Variants in SOCS7 observed in about 807,000 individuals in gnomAD.
The protein encoded by SOCS7 is NAP-4.
A neutral mutation model predicts 58.9 loss-of-function variants in SOCS7; 18 were observed. The ratio of observed to expected loss-of-function variants is 0.31; its 90% CI spans 0.21 to 0.45. The LOEUF (loss-of-function observed/expected upper bound fraction) is 0.45. SOCS7 is among the 20% of genes least tolerant of loss of function. SOCS7 has a pLI of 1.00. For synonymous variants in SOCS7, 388 were observed against 364.3 expected, an observed-to-expected ratio of 1.06 and a Z score of -0.74; for missense variants, 667 against 837.3, an observed-to-expected ratio of 0.80 and a Z score of 2.51.
chr17:38,395,888 C>G lies in SOCS7; in HGVS notation c.1858C>G (p.Pro620Ala). Residue 620 changes from proline (P) to alanine (A), a missense_variant, in exon 9 of 10, where the codon CCT (proline) becomes GCT (alanine). Transcript: ENST00000612932. The stretch of plus-strand genomic sequence containing the variant: ...TATCCGAAAGTTCTACTACTATGAT[C>G]CTCAGGAAGAGGTATACCTGTCTCT... ...SYIRKFYYYD[P>A]QEEVYLSLKE... 6.2e-7 allele frequency: 1 copy of G among 1,611,940 alleles called. No homozygotes were observed. Among genetic ancestry groups the G allele is most frequent in the Non-Finnish European group, 8.5e-7 (1 of 1,179,386 alleles).
At position 38,352,134 on chromosome 17, in the gene SOCS7, G is replaced by A. The variant is rs1043812381; in HGVS notation, c.82G>A (p.Gly28Arg). 3 of 1,052,674 alleles carry A rather than the reference G, an allele frequency of 2.8e-6. No homozygotes were observed. The highest frequency in any genetic ancestry group is 2.4e-6 in the Non-Finnish European group (2 of 828,908). 65.2% of individuals were successfully genotyped at this position (1,052,674 alleles called of 1,614,324 possible). A position where few individuals can be genotyped will look rare whatever the true frequency, so the allele number is the denominator to read the frequency against. Residue 28 changes from glycine to arginine, a missense_variant, in exon 1 of 10, where the codon GGA (glycine) becomes AGA (arginine). Coordinates refer to ENST00000612932, the MANE Select transcript of SOCS7 (RefSeq NM_014598.4). This position sits in a 1 kb window ranked among gnomAD's most constrained non-coding sequence, Gnocchi z 5.5. ...YRVLSRLLGYGEAAPEPGPPP... is the reference protein window; with the variant it reads ...YRVLSRLLGYREAAPEPGPPP... ...CGTCCTGAGCCGCCTCCTTGGCTAT[G>A]GAGAGGCGGCCCCCGAGCCAGGCCC...
intron 1 of SOCS7, among the ~76,000 whole-genome samples, chr17:38,359,469 T>G (rs1157515946): frequency 6.6e-6 from 1 of 152,204 alleles, no homozygotes; most frequent in African/African-American, 2.4e-5. Flanking sequence ...GGTTTTAGAA[T>G]TTTGTTTGAG....
intron 6 of SOCS7, among the ~76,000 whole-genome samples, chr17:38,369,967 A>G (rs1433655816): frequency 6.6e-6 from 1 of 150,782 alleles, no homozygotes; most frequent in African/African-American, 2.4e-5. Context: ...TTTTTTTTGT[A>G]TTTTTAGTAG....
intron 6 of SOCS7, among the ~76,000 whole-genome samples, chr17:38,377,086 G>C (rs554843854): frequency 3.5e-4 from 53 of 152,258 alleles, no homozygotes; most frequent in African/African-American, 1.3e-3. Context: ...TTCGCCTAAT[G>C]ATGCATTTCT....
At chr17:38,391,364 G>A (rs2038171448) in intron 7 of SOCS7, among the ~76,000 whole-genome samples, 1 of 152,056 alleles carries the variant, frequency 6.6e-6, no homozygotes, top group Admixed American at 6.6e-5. Context: ...AAAGGAGTGG[G>A]ATATTAAAAA....
intron 7 of SOCS7, among the ~76,000 whole-genome samples, chr17:38,389,906 T>TATATATGTACAG (rs1555571102): frequency 9.7e-6 from 1 of 103,472 alleles, no homozygotes; most frequent in Non-Finnish European, 1.8e-5. Flanking sequence ...TATACACATA[T>TATATATGTACAG]AGAGAGAGAG....
intron 6 of SOCS7, chr17:38,376,027 C>G (rs1261128151): frequency 6.6e-6 from 1 of 152,114 alleles, no homozygotes; most frequent in East Asian, 1.9e-4. Context: ...CCATGTTGGT[C>G]AGGCTGGAGT....
At position 38,352,151 on chromosome 17, in the gene SOCS7, G is replaced by A. The variant is rs2037561432; in HGVS notation, c.99G>A (p.Glu33=). The A allele has an allele frequency of 1.8e-5, 21 of 1,188,328 alleles. No homozygotes were observed. Among genetic ancestry groups the A allele is most frequent in the East Asian group, 3.4e-5 (1 of 29,500 alleles). 73.6% of individuals were successfully genotyped at this position (1,188,328 alleles called of 1,614,324 possible). The change falls in exon 1 of 10, where the codon GAG becomes GAA. Residue 33 remains glutamate (E), a synonymous_variant. Transcript: ENST00000612932. This position sits in a 1 kb window ranked among gnomAD's most constrained non-coding sequence, Gnocchi z 5.5. The part of the protein sequence containing the change: ...RLLGYGEAAP[E]PGPPPPPPGH... ...TTGGCTATGGAGAGGCGGCCCCCGA[G>A]CCAGGCCCTCCGCCACCGCCCCCGG...
intron 7 of SOCS7, among the ~76,000 whole-genome samples, chr17:38,387,764 A>G (rs2038099336): frequency 7.5e-6 from 1 of 133,006 alleles, no homozygotes; most frequent in South Asian, 2.2e-4. Context: ...AACATACTTA[A>G]TGGCTTTCTT....
At chr17:38,386,044 G>T (rs2038064001) in intron 7 of SOCS7, among the ~76,000 whole-genome samples, 1 of 151,986 alleles carries the variant, frequency 6.6e-6, no homozygotes, top group Non-Finnish European at 1.5e-5. Context: ...ACTAGCCGAG[G>T]CCAGGCGCGG....
intron 1 of SOCS7, among the ~76,000 whole-genome samples, chr17:38,358,734 C>A (rs1202438978): frequency 6.6e-6 from 1 of 152,120 alleles, no homozygotes; most frequent in Non-Finnish European, 1.5e-5. Context: ...TTATTAGTAG[C>A]CTTTTAGCCT....
At chr17:38,374,433 G>T (rs1364811526) in intron 6 of SOCS7, among the ~76,000 whole-genome samples, 1 of 152,014 alleles carries the variant, frequency 6.6e-6, no homozygotes, top group Non-Finnish European at 1.5e-5. Flanking sequence ...AGGTACTCGG[G>T]AGGGTCAAGG....
In SOCS7 at chr17:38,377,807, G is replaced by A; in HGVS notation, c.1646G>A (p.Gly549Glu). 6.2e-7 allele frequency: 1 copy of A among 1,613,622 alleles called. No individual in the cohort carries two copies. The highest frequency in any genetic ancestry group is 8.5e-7 in the Non-Finnish European group (1 of 1,179,758). ...IKRAIMHSKN[G>E]KFLYFLRSRV... Reference sequence around the variant, plus strand: ...AGAGCCATTATGCACTCCAAGAATGGAAAGTTTCTCTATTTCTTAAGATCC... The same window carrying A: ...AGAGCCATTATGCACTCCAAGAATGAAAAGTTTCTCTATTTCTTAAGATCC... The change falls in exon 7 of 10, where the codon GGA becomes GAA. Residue 549 changes from glycine (G) to glutamate (E), a missense_variant. Physicochemically the swap from Gly to Glu is moderately conservative, Grantham distance 98 (BLOSUM62 -2). This residue lies in a region of SOCS7 where 76 missense variants were observed against 194.5 expected (regional missense o/e 0.39). Transcript: ENST00000612932.
Position 38,404,713 on chromosome 17 carries a change from T to TC in SOCS7, c.*5232dup, listed in dbSNP as rs748335251. Reference sequence around the variant, plus strand: ...ATACCACACTGCCCCGCTCAGAGTTTCGTCCTGAGCTCCCTAACCAGCTCA... The same window carrying TC: ...ATACCACACTGCCCCGCTCAGAGTTTCCGTCCTGAGCTCCCTAACCAGCTCA... On this transcript the variant is annotated 3_prime_UTR_variant, in exon 10 of 10. Transcript: ENST00000612932. The TC allele has an allele frequency of 1.3e-5, 2 of 152,264 alleles. No individual in the cohort carries two copies. The highest frequency in any genetic ancestry group is 1.5e-5 in the Non-Finnish European group (1 of 68,074). The allele number at this position is 152,264 out of a possible 1,614,324, so 9.4% of individuals were successfully genotyped here.
Position 38,367,963 on chromosome 17 carries a change from C to A in SOCS7, c.1465C>A (p.Arg489=). 1.9e-6 allele frequency: 3 copies of A among 1,614,028 alleles called. No individual in the cohort carries two copies. Among genetic ancestry groups the A allele is most frequent in the Non-Finnish European group, 1.7e-6 (2 of 1,179,952 alleles). Residue 489 remains arginine, a synonymous_variant, in exon 6 of 10, where the codon CGA becomes AGA. Coordinates refer to ENST00000612932, the MANE Select transcript of SOCS7 (RefSeq NM_014598.4). ...GAAACCAGATGGTTCTTTCCTGGTA[C>A]GAGACAGTTCTGATCCTCGTTACAT... The part of the protein sequence containing the change: ...KGKPDGSFLV[R]DSSDPRYILS...
chr17:38,380,165 T>C (rs1162640406), intron 7 of SOCS7, among the ~76,000 whole-genome samples: 3 of 152,226 alleles, frequency 2.0e-5, no homozygotes, highest in African/African-American at 7.2e-5. Context: ...GTACCCTGTC[T>C]GCAGATATTT....
At position 38,352,511 on chromosome 17, in the gene SOCS7, G is replaced by A. The variant is rs753112122; in HGVS notation, c.459G>A (p.Pro153=). 19 of 1,543,790 alleles carry A rather than the reference G, an allele frequency of 1.2e-5. No individual in the cohort carries two copies. The Admixed American group carries it at 1.6e-4, about 13-fold the overall frequency. ...GCCCGTGTCCGTGTCCTCCTCAGCC[G>A]CCCCCTCCGCAGCCCCAGCCGCCTG... ...GCCPCPCPPQ[P]PPPQPQPPAA... is the part of the protein sequence containing the mutation. Residue 153 remains proline (P), a synonymous_variant, in exon 1 of 10, where the codon CCG becomes CCA. Coordinates refer to ENST00000612932, the MANE Select transcript of SOCS7 (RefSeq NM_014598.4). This position sits in a 1 kb window ranked among gnomAD's most constrained non-coding sequence, Gnocchi z 5.5.
At position 38,399,061 on chromosome 17, in the gene SOCS7, C is replaced by G. The variant is rs1247323360; in HGVS notation, c.*31-452C>G. Reference sequence around the variant, plus strand: ...CAAGATCATGCCTTTGCACTCCAGCCTGGGTGACAGAGCGAGACTCCGTCT... The same window carrying G: ...CAAGATCATGCCTTTGCACTCCAGCGTGGGTGACAGAGCGAGACTCCGTCT... On this transcript the variant is annotated intron_variant, in intron 9 of 9. Coordinates refer to ENST00000612932, the MANE Select transcript of SOCS7 (RefSeq NM_014598.4). 2.0e-5 allele frequency among the ~76,000 whole-genome samples: 3 copies of G among 148,456 alleles called. No homozygotes were observed. In the Admixed American group the frequency reaches 2.0e-4, roughly 10 times the overall value.
intron 7 of SOCS7, among the ~76,000 whole-genome samples, chr17:38,385,792 C>A (rs1271990964): frequency 1.3e-5 from 2 of 152,018 alleles, no homozygotes; most frequent in Non-Finnish European, 2.9e-5. Flanking sequence ...GGAAAATTTC[C>A]TTGGATTTTA....
Sources: allele counts gnomAD v4.1 joint callset (sites outside exome capture counted in the v4.1 genomes callset), GRCh38; gene constraint gnomAD v4.1.1; regional missense constraint gnomAD v4.1.1; non-coding constraint Gnocchi (gnomAD v3.1); transcripts MANE v1.5; gene names NCBI Gene and HGNC (gene_info 2026-07-23, HGNC 2026-07-21).